Variants in MED12L observed in about 807,000 individuals in gnomAD.
The protein encoded by MED12L is mediator complex subunit 12L.
Under a neutral mutation model 281.3 loss-of-function variants are expected in MED12L, and 60 were observed. The observed-to-expected ratio is 0.21, with a 90% CI of 0.17 to 0.26. MED12L has a LOEUF of 0.26. Ranked by LOEUF, MED12L falls within the 10% of genes least tolerant of loss-of-function variation. MED12L has a pLI of 1.00. For synonymous variants in MED12L, 974 were observed against 987.2 expected, an observed-to-expected ratio of 0.99 and a Z score of 0.25; for missense variants, 2,146 against 2,680.9, an observed-to-expected ratio of 0.80 and a Z score of 4.41.
chr3:151,356,362 A>G lies in MED12L; in HGVS notation c.2661+323A>G, dbSNP rs540986888. Among the ~76,000 whole-genome samples, 3 of 152,296 alleles carry G rather than the reference A, an allele frequency of 2.0e-5. No homozygotes were observed. The South Asian group carries it at 6.2e-4, about 32-fold the overall frequency. ...AGCCATGATCATACAACTGCACTCA[A>G]GCCTATGGGACAGTGCAAGGCCCTG... On this transcript the variant is annotated intron_variant, in intron 19 of 44. Transcript: ENST00000687756.
At chr3:151,190,966 A>AAACTAAACTCT (rs777824777) in intron 14 of MED12L, 35 bp downstream of exon 14, 1 of 1,577,088 alleles carries the variant, frequency 6.3e-7, no homozygotes, top group Non-Finnish European at 8.7e-7. Context: ...ACTCCCCCAG[A>AAACTAAACTCT]AACTAAACTC....
chr3:151,244,651 C>T (rs1395957488), intron 16 of MED12L, among the ~76,000 whole-genome samples: 3 of 150,346 alleles, frequency 2.0e-5, no homozygotes, highest in African/African-American at 7.3e-5. Flanking sequence ...ACTAAATGCC[C>T]ACAAGAGAAA....
At chr3:151,208,327 A>G (rs986487412) in intron 16 of MED12L, among the ~76,000 whole-genome samples, 1 of 152,198 alleles carries the variant, frequency 6.6e-6, no homozygotes, top group African/African-American at 2.4e-5. Context: ...TAATGGTTGA[A>G]AGTACAACAT....
intron 2 of MED12L, among the ~76,000 whole-genome samples, chr3:151,105,948 T>C (rs1721960562): frequency 6.6e-6 from 1 of 152,208 alleles, no homozygotes; most frequent in South Asian, 2.1e-4. Context: ...GTTGACAACC[T>C]TGCTGTTTGT....
intron 42 of MED12L, among the ~76,000 whole-genome samples, chr3:151,413,526 C>G (rs1464129232): frequency 6.6e-6 from 1 of 152,158 alleles, no homozygotes; most frequent in South Asian, 2.1e-4. Context: ...GCAGAACATT[C>G]TTCCCATTTC....
chr3:151,152,327 C>T (rs945148017), intron 5 of MED12L, among the ~76,000 whole-genome samples: 1 of 151,954 alleles, frequency 6.6e-6, no homozygotes, highest in African/African-American at 2.4e-5. Flanking sequence ...GCCTCAAACT[C>T]CTAGTCTCAA....
At chr3:151,137,805 A>T (rs906532352) in intron 5 of MED12L, among the ~76,000 whole-genome samples, 20 of 148,318 alleles carry the variant, frequency 1.3e-4, no homozygotes, top group Admixed American at 4.7e-4. Context: ...AGTATGTGAA[A>T]TTTTTTTTTT....
chr3:151,397,964 C>T (rs1480135244), intron 39 of MED12L, among the ~76,000 whole-genome samples: 3 of 152,132 alleles, frequency 2.0e-5, no homozygotes, highest in African/African-American at 7.2e-5. Context: ...TGACTGCTTC[C>T]TACGACAGTT....
In MED12L at chr3:151,430,887, G is replaced by A. The variant is rs576893625; in HGVS notation, c.6490+507G>A. ...CTATAACATCATACACAGCATGATC[G>A]AGACAGTGTTTTCTCCCTAGTAATC... is the stretch of plus-strand genomic sequence containing the variant. On this transcript the variant is annotated intron_variant, in intron 44 of 44. Transcript: ENST00000687756. Among the ~76,000 whole-genome samples, 51 of 150,762 alleles carry A rather than the reference G, an allele frequency of 3.4e-4. No individual in the cohort carries two copies. The South Asian group carries it at 0.01, about 31-fold the overall frequency.
intron 16 of MED12L, among the ~76,000 whole-genome samples, chr3:151,216,792 G>C (rs1241441795): frequency 6.6e-6 from 1 of 152,124 alleles, no homozygotes; most frequent in Non-Finnish European, 1.5e-5. Flanking sequence ...TAAGGGAGGG[G>C]GAGCACATTT....
chr3:151,181,493 C>G (rs1406923358), intron 11 of MED12L, among the ~76,000 whole-genome samples: 1 of 151,048 alleles, frequency 6.6e-6, no homozygotes, highest in African/African-American at 2.4e-5. Context: ...TCAAGTAATC[C>G]TCCTGAGCTC....
chr3:151,429,299 G>A (rs554415781), intron 43 of MED12L, among the ~76,000 whole-genome samples: 18 of 152,256 alleles, frequency 1.2e-4, no homozygotes, highest in Admixed American at 7.2e-4. Flanking sequence ...CCTAGAAGTC[G>A]GAGGGCAGAG....
At chr3:151,115,643 G>A (rs1252953123) in intron 2 of MED12L, among the ~76,000 whole-genome samples, 1 of 151,328 alleles carries the variant, frequency 6.6e-6, no homozygotes, top group Non-Finnish European at 1.5e-5. Context: ...CACCGCGCCC[G>A]GCCTGGAAAC....
chr3:151,293,576 TACACACACACACACAC>T (rs55846173), intron 16 of MED12L, among the ~76,000 whole-genome samples: 17 of 76,226 alleles, frequency 2.2e-4, no homozygotes, highest in East Asian at 9.0e-4. Context: ...ATGAAGCCCT[TACACACACACACACAC>T]ACACACACAC....
intron 16 of MED12L, chr3:151,337,609 A>G: frequency 1.8e-6 from 1 of 560,238 alleles, no homozygotes; most frequent in South Asian, 2.3e-5. Flanking sequence ...TGCTGCTAAT[A>G]CAGCTACAGT....
At chr3:151,138,237 G>T (rs1716435607) in intron 5 of MED12L, among the ~76,000 whole-genome samples, 1 of 120,126 alleles carries the variant, frequency 8.3e-6, no homozygotes, top group Non-Finnish European at 2.1e-5. Flanking sequence ...TCCTTTTTGT[G>T]GCCTCTTAGT....
intron 2 of MED12L, among the ~76,000 whole-genome samples, chr3:151,106,718 A>AT (rs1722117706): frequency 6.6e-6 from 1 of 152,126 alleles, no homozygotes; most frequent in Non-Finnish European, 1.5e-5. Context: ...TGCACCAATG[A>AT]TTGTTATGCC....
At chr3:151,144,837 C>G (rs969412768) in intron 5 of MED12L, among the ~76,000 whole-genome samples, 2 of 152,178 alleles carry the variant, frequency 1.3e-5, no homozygotes, top group African/African-American at 4.8e-5. Context: ...GTGACCTATT[C>G]ACTGCCGCCC....
chr3:151,137,585 G>C (rs1015086189), intron 5 of MED12L, among the ~76,000 whole-genome samples: 17 of 152,146 alleles, frequency 1.1e-4, no homozygotes, highest in Non-Finnish European at 2.2e-4. Context: ...GCATGTGTGT[G>C]CATGTATGTG....
Sources: gnomAD v4.1 joint callset for allele counts (sites outside exome capture counted in the v4.1 genomes callset) on GRCh38, gnomAD v4.1.1 for gene constraint, MANE v1.5 for transcripts, NCBI Gene and HGNC (gene_info 2026-07-23, HGNC 2026-07-21) for gene names.